The following NPAS3 variants were observed in gnomAD, a reference collection of about 807,000 sequenced individuals.
NPAS3 encodes the protein neuronal PAS domain-containing protein 3.
Under a neutral mutation model 73.1 loss-of-function variants are expected in NPAS3, and 14 were observed. The ratio of observed to expected loss-of-function variants is 0.19; its 90% CI spans 0.13 to 0.30. NPAS3 has a LOEUF of 0.30. Ranked by LOEUF, NPAS3 falls within the 10% of genes least tolerant of loss-of-function variation. NPAS3 has a pLI of 1.00. For missense variants in NPAS3, 1,096 were observed against 1,250.0 expected (o/e 0.88, Z 1.86); for synonymous variants, 620 against 541.5 (o/e 1.14, Z -2.01).
intron 5 of NPAS3, among the ~76,000 whole-genome samples, chr14:33,606,745 G>A (rs1329732693): frequency 6.6e-6 from 1 of 152,116 alleles, no homozygotes; most frequent in African/African-American, 2.4e-5. Flanking sequence ...GTGATGAATT[G>A]GACCACATTG....
chr14:33,095,515 A>G (rs920291785), intron 2 of NPAS3, among the ~76,000 whole-genome samples: 2 of 152,102 alleles, frequency 1.3e-5, no homozygotes, highest in African/African-American at 4.8e-5. Context: ...GAACTTCATT[A>G]TGGCAATAAA....
intron 3 of NPAS3, among the ~76,000 whole-genome samples, chr14:33,226,855 G>T (rs1177550936): frequency 6.6e-6 from 1 of 152,166 alleles, no homozygotes; most frequent in Admixed American, 6.5e-5. Context: ...TGGGAAATAA[G>T]ACTGTTGAAT....
rs527452048 is a variant in NPAS3, at chr14:33,785,620, A to T, written c.1153+7048A>T. Among the ~76,000 whole-genome samples the T allele has an allele frequency of 3.9e-5, 6 of 152,190 alleles. No homozygotes were observed. In the East Asian group the frequency reaches 1.2e-3, roughly 29 times the overall value. On this transcript the variant is annotated intron_variant, in intron 9 of 11. Coordinates refer to ENST00000356141, the Ensembl canonical transcript of NPAS3. ...ACCTCACATATCTCAAAAAACATCA[A>T]ACTTTTTTTAACTTAAATGAGTGGC...
chr14:33,047,986 C>T (rs963788931), intron 1 of NPAS3, among the ~76,000 whole-genome samples: 1 of 152,068 alleles, frequency 6.6e-6, no homozygotes, highest in Non-Finnish European at 1.5e-5. Flanking sequence ...ATTTGCATTG[C>T]AGGTGGATTT....
At chr14:33,197,268 T>TGTG (rs1555353808) in intron 2 of NPAS3, among the ~76,000 whole-genome samples, 1 of 97,928 alleles carries the variant, frequency 1.0e-5, no homozygotes, top group Non-Finnish European at 2.3e-5. Flanking sequence ...TGTGTGTGTG[T>TGTG]TCTTTTTCAA....
At chr14:33,337,666 C>T (rs997324354) in intron 3 of NPAS3, among the ~76,000 whole-genome samples, 1 of 151,932 alleles carries the variant, frequency 6.6e-6, no homozygotes, top group Non-Finnish European at 1.5e-5. Context: ...ATCTATAGAT[C>T]AGTTTGAGCA....
chr14:33,633,119 G>T (rs2058425832), intron 5 of NPAS3, among the ~76,000 whole-genome samples: 1 of 152,142 alleles, frequency 6.6e-6, no homozygotes, highest in Non-Finnish European at 1.5e-5. Context: ...AAGTAACCTA[G>T]AGGTGATTTA....
intron 4 of NPAS3, among the ~76,000 whole-genome samples, chr14:33,467,021 G>T (rs780672849): frequency 1.1e-4 from 16 of 152,136 alleles, no homozygotes; most frequent in Non-Finnish European, 2.1e-4. Context: ...TTATTCATTG[G>T]TTGTGTTTTA....
At chr14:33,447,765 A>G (rs1335798444) in intron 4 of NPAS3, among the ~76,000 whole-genome samples, 3 of 152,128 alleles carry the variant, frequency 2.0e-5, no homozygotes, top group African/African-American at 7.2e-5. Context: ...TATAAAGAAA[A>G]TTAGCCAGGC....
intron 4 of NPAS3, among the ~76,000 whole-genome samples, chr14:33,536,193 A>G (rs192660433): frequency 1.3e-4 from 20 of 152,334 alleles, no homozygotes; most frequent in African/African-American, 4.8e-4. Context: ...GAGCTGTTTG[A>G]TTCATAAATA....
chr14:33,278,884 G>A (rs1247058762), intron 3 of NPAS3, among the ~76,000 whole-genome samples: 1 of 152,196 alleles, frequency 6.6e-6, no homozygotes, highest in Non-Finnish European at 1.5e-5. Context: ...TGCATGAGCA[G>A]AAAGGACACG....
At chr14:33,339,477 A>C (rs2044373201) in intron 3 of NPAS3, among the ~76,000 whole-genome samples, 1 of 152,214 alleles carries the variant, frequency 6.6e-6, no homozygotes, top group Non-Finnish European at 1.5e-5. Context: ...TACATGATTA[A>C]AATGAAGCAT....
rs1454550213 is a variant in NPAS3 at position 33,457,684 on chromosome 14, C to CTCCCAG, written c.468+90416_468+90417insTCCCAG. On this transcript the variant is annotated intron_variant, in intron 4 of 11. Transcript: ENST00000356141. ...GGTCCCCACAAACCCATGTCCCAGACATGCTTCCCCACTCCAAATGACTGG... is the reference window on the plus strand; with the variant it reads ...GGTCCCCACAAACCCATGTCCCAGACTCCCAGATGCTTCCCCACTCCAAATGACTGG... 2.7e-4 allele frequency among the ~76,000 whole-genome samples: 41 copies of CTCCCAG among 152,312 alleles called. 1 individual carries two copies. The highest frequency in any genetic ancestry group is 9.6e-4 in the African/African-American group (40 of 41,574).
At chr14:33,660,430 C>T (rs752076643) in intron 5 of NPAS3, among the ~76,000 whole-genome samples, 23 of 152,116 alleles carry the variant, frequency 1.5e-4, no homozygotes, top group Non-Finnish European at 2.8e-4. Context: ...AAAAGTTGCC[C>T]GTAAATCCCT....
At chr14:33,117,800 G>A (rs1416299816) in intron 2 of NPAS3, among the ~76,000 whole-genome samples, 1 of 152,054 alleles carries the variant, frequency 6.6e-6, no homozygotes, top group African/African-American at 2.4e-5. Flanking sequence ...ATAAATGCTT[G>A]TCACCAGAAG....
At chr14:33,112,611 T>A (rs1362048042) in intron 2 of NPAS3, among the ~76,000 whole-genome samples, 9 of 152,198 alleles carry the variant, frequency 5.9e-5, no homozygotes, top group Non-Finnish European at 1.3e-4. Flanking sequence ...TCCCATTCTG[T>A]AGGTTTCCTG....
At chr14:33,430,711 A>C (rs1239733857) in intron 4 of NPAS3, among the ~76,000 whole-genome samples, 1 of 152,192 alleles carries the variant, frequency 6.6e-6, no homozygotes, top group African/African-American at 2.4e-5. Flanking sequence ...TTGTAGATGC[A>C]CATTTGATTT....
At chr14:33,746,502 CTTT>C (rs559179003) in intron 7 of NPAS3, among the ~76,000 whole-genome samples, 23 of 140,248 alleles carry the variant, frequency 1.6e-4, no homozygotes, top group Non-Finnish European at 3.1e-4. Flanking sequence ...CTGACTCATT[CTTT>C]TTTTTTTTTT....
chr14:33,590,481 G>A (rs2139938874), intron 5 of NPAS3, among the ~76,000 whole-genome samples: 1 of 152,234 alleles, frequency 6.6e-6, no homozygotes, highest in South Asian at 2.1e-4. Context: ...TTGGGGGGTG[G>A]TTGGTTGAGG....
Sources: allele counts gnomAD v4.1 joint callset (sites outside exome capture counted in the v4.1 genomes callset), GRCh38; gene constraint gnomAD v4.1.1; transcripts MANE v1.5; gene names NCBI Gene and HGNC (gene_info 2026-07-23, HGNC 2026-07-21).